The following KIAA1328 variants were observed in gnomAD, a reference collection of about 807,000 sequenced individuals.
The protein encoded by KIAA1328 is protein hinderin.
Under a neutral mutation model 68.1 loss-of-function variants are expected in KIAA1328, and 52 were observed. The observed-to-expected ratio is 0.76, with a 90% confidence interval of 0.61 to 0.96. KIAA1328 has a LOEUF of 0.96. KIAA1328 is among the 40% of genes least tolerant of loss of function. The probability of loss-of-function intolerance (pLI) is 0.00; values close to 1 mark genes in which losing one functional copy is unlikely to be tolerated. For synonymous variants in KIAA1328, 232 were observed against 239.4 expected, an observed-to-expected ratio of 0.97 and a Z score of 0.28; for missense variants, 641 against 677.6, an observed-to-expected ratio of 0.95 and a Z score of 0.60.
intron 5 of KIAA1328, among the ~76,000 whole-genome samples, chr18:36,923,315 GAAA>G (rs1405227055): frequency 5.3e-5 from 8 of 152,078 alleles, no homozygotes; most frequent in Non-Finnish European, 1.2e-4. Flanking sequence ...GATCATGGAG[GAAA>G]TCAATGAAAC....
rs905011291 is a variant in KIAA1328 at position 37,224,585 on chromosome 18, T to C, written c.*2358T>C. On this transcript the variant is annotated 3_prime_UTR_variant, in exon 10 of 10. Coordinates refer to ENST00000280020, the MANE Select transcript of KIAA1328 (RefSeq NM_020776.3). ...AATAGTACATGTTAACATTTTAATC[T>C]ATTTAAATTTACTTTGAAATATATA... 2.1e-6 allele frequency: 2 copies of C among 968,334 alleles called. No individual in the cohort carries two copies. Among genetic ancestry groups the C allele is most frequent in the African/African-American group, 3.5e-5 (2 of 56,864 alleles). The allele number at this position is 968,334 out of a possible 1,614,324, so 60.0% of individuals were successfully genotyped here. A position where few individuals can be genotyped will look rare whatever the true frequency, so the allele number is the denominator to read the frequency against.
At chr18:36,981,605 G>A (rs1384711131) in intron 6 of KIAA1328, among the ~76,000 whole-genome samples, 1 of 151,964 alleles carries the variant, frequency 6.6e-6, no homozygotes, top group Non-Finnish European at 1.5e-5. Flanking sequence ...TTTGTTTTTT[G>A]AGATGGGATC....
chr18:37,131,821 G>C (rs1046074995), intron 7 of KIAA1328, among the ~76,000 whole-genome samples: 3 of 152,190 alleles, frequency 2.0e-5, no homozygotes, highest in African/African-American at 7.2e-5. Flanking sequence ...GGTAACTAGA[G>C]ACTCTCATTT....
chr18:37,165,121 A>G (rs1008588837), intron 8 of KIAA1328, among the ~76,000 whole-genome samples: 10 of 151,940 alleles, frequency 6.6e-5, no homozygotes, highest in Non-Finnish European at 1.2e-4. Context: ...CACCCCTATG[A>G]CCTCATCCAA....
chr18:36,897,989 A>C (rs1400628710), intron 5 of KIAA1328, among the ~76,000 whole-genome samples: 1 of 152,072 alleles, frequency 6.6e-6, no homozygotes. Context: ...ATGAAATAAG[A>C]AGCCAATAGT....
chr18:36,926,051 G>A (rs1457007804), intron 5 of KIAA1328, among the ~76,000 whole-genome samples: 1 of 150,916 alleles, frequency 6.6e-6, no homozygotes, highest in Non-Finnish European at 1.5e-5. Flanking sequence ...TGTAACTTTT[G>A]AGTGCAGGTC....
At chr18:36,866,436 G>A (rs2150910521) in intron 4 of KIAA1328, among the ~76,000 whole-genome samples, 1 of 151,970 alleles carries the variant, frequency 6.6e-6, no homozygotes, top group Admixed American at 6.6e-5. Flanking sequence ...TCTTAGAATT[G>A]TTCAGGAGGA....
chr18:36,848,977 A>G (rs1186379511), intron 4 of KIAA1328, among the ~76,000 whole-genome samples: 1 of 151,588 alleles, frequency 6.6e-6, no homozygotes, highest in Non-Finnish European at 1.5e-5. Flanking sequence ...ATTTTGTTAA[A>G]TATATTTGTA....
intron 9 of KIAA1328, among the ~76,000 whole-genome samples, chr18:37,195,352 C>A (rs2059983855): frequency 6.6e-6 from 1 of 152,022 alleles, no homozygotes; most frequent in African/African-American, 2.4e-5. Flanking sequence ...GCTTTTATTG[C>A]TTTATGCTTT....
chr18:37,022,317 A>C (rs1185723041), intron 6 of KIAA1328, among the ~76,000 whole-genome samples: 1 of 152,202 alleles, frequency 6.6e-6, no homozygotes, highest in African/African-American at 2.4e-5. Context: ...TTAATATTTT[A>C]AAACTCATAT....
chr18:37,212,396 C>T (rs1025706636), intron 9 of KIAA1328, among the ~76,000 whole-genome samples: 2 of 152,052 alleles, frequency 1.3e-5, no homozygotes, highest in Non-Finnish European at 2.9e-5. Flanking sequence ...AGAAAGTAGT[C>T]GAATCTTGCC....
At chr18:37,084,480 T>G (rs934347280) in intron 7 of KIAA1328, 7 of 228,526 alleles carry the variant, frequency 3.1e-5, no homozygotes, top group East Asian at 8.6e-5. Flanking sequence ...TTTTTTGTTT[T>G]TTTTTTTTTT....
intron 9 of KIAA1328, among the ~76,000 whole-genome samples, chr18:37,177,711 G>A (rs992013891): frequency 3.3e-5 from 5 of 151,958 alleles, no homozygotes; most frequent in Non-Finnish European, 7.4e-5. Context: ...TTGAGTTACT[G>A]GTGGGGAGAG....
intron 7 of KIAA1328, among the ~76,000 whole-genome samples, chr18:37,101,267 G>GA (rs892470123): frequency 1.3e-5 from 2 of 151,840 alleles, no homozygotes; most frequent in South Asian, 2.1e-4. Context: ...TAAAAACCTT[G>GA]AAAAAAAATT....
At chr18:37,018,570 CT>C (rs2054232436) in intron 6 of KIAA1328, among the ~76,000 whole-genome samples, 1 of 151,956 alleles carries the variant, frequency 6.6e-6, no homozygotes, top group Non-Finnish European at 1.5e-5. Context: ...AGATTGTTTC[CT>C]TTTTATCCTA....
intron 8 of KIAA1328, among the ~76,000 whole-genome samples, chr18:37,169,964 T>C (rs969376400): frequency 9.2e-5 from 14 of 152,228 alleles, no homozygotes; most frequent in Non-Finnish European, 1.5e-4. Context: ...TGACCAAAAA[T>C]ATATTTATAT....
At chr18:37,112,198 G>C (rs2057952106) in intron 7 of KIAA1328, among the ~76,000 whole-genome samples, 1 of 152,200 alleles carries the variant, frequency 6.6e-6, no homozygotes, top group South Asian at 2.1e-4. Context: ...CGGAGTTTGA[G>C]ATCTGAGAAT....
intron 7 of KIAA1328, among the ~76,000 whole-genome samples, chr18:37,086,783 C>T (rs905131427): frequency 9.2e-5 from 14 of 152,124 alleles, no homozygotes; most frequent in Admixed American, 7.2e-4. Context: ...AAGTGTGTTG[C>T]AGTCTGATTC....
At chr18:36,935,011 C>T (rs1179889680) in intron 5 of KIAA1328, among the ~76,000 whole-genome samples, 3 of 152,196 alleles carry the variant, frequency 2.0e-5, no homozygotes, top group Non-Finnish European at 2.9e-5. Flanking sequence ...AATTCTTACT[C>T]ATCATTTCTT....
Sources: gnomAD v4.1 joint callset for allele counts (sites outside exome capture counted in the v4.1 genomes callset) on GRCh38, gnomAD v4.1.1 for gene constraint, MANE v1.5 for transcripts, NCBI Gene and HGNC (gene_info 2026-07-23, HGNC 2026-07-21) for gene names.